RUVBL2: variants seen among roughly 807,000 people sequenced by gnomAD.
RUVBL2 encodes RuvB like AAA ATPase 2, also known as ruvB-like 2.
A neutral mutation model predicts 57.9 loss-of-function variants in RUVBL2; 9 were observed. That is an observed-to-expected ratio of 0.16 (90% CI 0.09 to 0.27). The LOEUF (loss-of-function observed/expected upper bound fraction) is 0.27. Ranked by LOEUF, RUVBL2 falls within the 10% of genes least tolerant of loss-of-function variation. The probability of loss-of-function intolerance (pLI) is 1.00; values close to 1 mark genes in which losing one functional copy is unlikely to be tolerated. For missense variants in RUVBL2, 456 were observed against 669.6 expected (o/e 0.68, Z 3.52); for synonymous variants, 278 against 264.6 (o/e 1.05, Z -0.49).
chr19:49,007,154 G>A lies in RUVBL2; in HGVS notation c.395+7G>A, dbSNP rs559622624. ...CCATCGGCGTTCGCATCAAGTAAGC[G>A]GGGGACCCGAGGCGGGTGCCAGACC... On this transcript the variant is annotated splice_region_variant and intron_variant, in intron 5 of 14. Transcript: ENST00000595090. 14 of 1,613,238 alleles carry A rather than the reference G, an allele frequency of 8.7e-6. No individual in the cohort carries two copies. Among genetic ancestry groups the A allele is most frequent in the Admixed American group, 5.0e-5 (3 of 60,018 alleles).
At chr19:49,014,644 G>A (rs1433135077) in intron 12 of RUVBL2, 41 bp downstream of exon 12, 2 of 1,610,814 alleles carry the variant, frequency 1.2e-6, no homozygotes, top group Non-Finnish European at 1.7e-6. Flanking sequence ...ACGCAGGGCT[G>A]GGGTCTACCC....
intron 4 of RUVBL2, among the ~76,000 whole-genome samples, 186 bp from the exon 5 acceptor site, chr19:49,006,832 A>G (rs3795045): frequency 6.6e-6 from 1 of 152,350 alleles, no homozygotes; most frequent in East Asian, 1.9e-4. Context: ...TGTCTGCCTC[A>G]TGGCTGAACC....
Position 49,015,558 on chromosome 19 carries a change from C to T in RUVBL2, c.1252-14C>T, listed in dbSNP as rs1302210131. On this transcript the variant is annotated splice_polypyrimidine_tract_variant and intron_variant, in intron 13 of 14. Coordinates refer to ENST00000595090, the MANE Select transcript of RUVBL2 (RefSeq NM_006666.3). ...GGAGAGGGGCCCAACTGAGGACTCG[C>T]CCTCCCCCTCCAGGGTACAGAAGTG... 1.3e-6 allele frequency: 2 copies of T among 1,598,822 alleles called. No individual in the cohort carries two copies. Among genetic ancestry groups the T allele is most frequent in the African/African-American group, 2.7e-5 (2 of 74,638 alleles).
At position 48,995,738 on chromosome 19, in the gene RUVBL2, C is replaced by T. The variant is rs142948162; in HGVS notation, c.12+1815C>T. Among the ~76,000 whole-genome samples the T allele has an allele frequency of 8.4e-4, 128 of 151,998 alleles. 1 individual carries two copies. The East Asian group carries it at 0.022, about 26-fold the overall frequency. On this transcript the variant is annotated intron_variant, in intron 1 of 14. Transcript: ENST00000595090. ...CGGTGGCTCACACCTGTAATCCCAG[C>T]ACTTTGGGGGGTCGAGGCGGGCAGG...
intron 2 of RUVBL2, among the ~76,000 whole-genome samples, chr19:49,001,163 A>C (rs925705980): frequency 5.1e-5 from 7 of 137,348 alleles, no homozygotes; most frequent in African/African-American, 8.0e-5. Context: ...AAATAAAAAC[A>C]TTTTTTTTTT....
chr19:49,015,862 C>A lies in RUVBL2; in HGVS notation c.*20C>A. 1 of 1,614,188 alleles carries A rather than the reference C, an allele frequency of 6.2e-7. No homozygotes were observed. Among genetic ancestry groups the A allele is most frequent in the East Asian group, 2.2e-5 (1 of 44,884 alleles). ...TCCTGAGTTGGATGTCATCCCCCGA[C>A]CCCACCCTGTTTTCCACCAGAGTTC... On this transcript the variant is annotated 3_prime_UTR_variant, in exon 15 of 15. Transcript: ENST00000595090.
intron 2 of RUVBL2, among the ~76,000 whole-genome samples, chr19:49,000,208 GTAGTTCA>G (rs1274106558): frequency 3.3e-5 from 5 of 152,222 alleles, no homozygotes; most frequent in African/African-American, 1.2e-4. Context: ...ATTCAGTAAG[GTAGTTCA>G]TATAAAGCAT....
At chr19:48,994,023 G>T in intron 1 of RUVBL2, 100 bp downstream of exon 1, 1 of 1,358,412 alleles carries the variant, frequency 7.4e-7, no homozygotes. Context: ...AGGGAGGGGG[G>T]ATCTGGGGGT....
At position 49,004,300 on chromosome 19, in the gene RUVBL2, G is replaced by A. The variant is rs1217394520; in HGVS notation, c.147G>A (p.Gln49=). The A allele has an allele frequency of 6.2e-7, 1 of 1,612,542 alleles. No homozygotes were observed. Among genetic ancestry groups the A allele is most frequent in the Non-Finnish European group, 8.5e-7 (1 of 1,179,860 alleles). Reference sequence around the variant, plus strand: ...AGGCTTCGCAAGGCATGGTGGGTCAGCTGGCGGCACGGCGGGCGGCTGGCG... The same window carrying A: ...AGGCTTCGCAAGGCATGGTGGGTCAACTGGCGGCACGGCGGGCGGCTGGCG... ...PRQASQGMVG[Q]LAARRAAGVV... The change falls in exon 4 of 15, where the codon CAG becomes CAA. Residue 49 remains glutamine, a synonymous_variant. Coordinates refer to ENST00000595090, the MANE Select transcript of RUVBL2 (RefSeq NM_006666.3).
intron 6 of RUVBL2, among the ~76,000 whole-genome samples, chr19:49,008,233 T>C (rs1282123690): frequency 2.0e-5 from 3 of 150,100 alleles, no homozygotes; most frequent in Non-Finnish European, 4.4e-5. Context: ...TTTATTTTTA[T>C]TTTATTTTAT....
chr19:49,006,574 C>T (rs933032919), intron 4 of RUVBL2, among the ~76,000 whole-genome samples: 2 of 152,220 alleles, frequency 1.3e-5, no homozygotes, highest in Non-Finnish European at 1.5e-5. Context: ...CAAGATCCCA[C>T]GGCGCCACCT....
At chr19:49,006,684 G>A (rs184417290) in intron 4 of RUVBL2, among the ~76,000 whole-genome samples, 4 of 152,346 alleles carry the variant, frequency 2.6e-5, no homozygotes, top group Admixed American at 2.0e-4. Flanking sequence ...GGTCCCCTTC[G>A]TCCAGCTCTG....
At chr19:49,000,279 G>C (rs2039152616) in intron 2 of RUVBL2, among the ~76,000 whole-genome samples, 1 of 152,276 alleles carries the variant, frequency 6.6e-6, no homozygotes, top group African/African-American at 2.4e-5. Context: ...GGGGCACTGG[G>C]TGCAGTGGCT....
chr19:49,002,944 G>C (rs2039213183), intron 2 of RUVBL2, among the ~76,000 whole-genome samples: 2 of 152,230 alleles, frequency 1.3e-5, no homozygotes, highest in Non-Finnish European at 2.9e-5. Flanking sequence ...TGTGGGTGCT[G>C]TGTAAACCAT....
In RUVBL2 at chr19:49,015,622, G is replaced by A; in HGVS notation, c.1302G>A (p.Leu434=). The A allele has an allele frequency of 6.2e-7, 1 of 1,614,118 alleles. No homozygotes were observed. Among genetic ancestry groups the A allele is most frequent in the South Asian group, 1.1e-5 (1 of 91,084 alleles). Residue 434 remains leucine, a synonymous_variant, in exon 14 of 15, where the codon CTG becomes CTA. Coordinates refer to ENST00000595090, the MANE Select transcript of RUVBL2 (RefSeq NM_006666.3). ...DDIKRVYSLF[L]DESRSTQYMK... The stretch of plus-strand genomic sequence containing the variant: ...TCAAGCGGGTCTACTCACTCTTCCT[G>A]GACGAGTCCCGCTCCACGCAGTACA...
intron 4 of RUVBL2, among the ~76,000 whole-genome samples, chr19:49,005,060 T>G (rs924986990): frequency 2.0e-5 from 3 of 152,124 alleles, no homozygotes; most frequent in African/African-American, 7.2e-5. Flanking sequence ...CAGCAGTCTT[T>G]GTTGCAGTCC....
At position 49,007,083 on chromosome 19, in the gene RUVBL2, C is replaced by T. The variant is rs772495679; in HGVS notation, c.331C>T (p.Leu111=). Residue 111 remains leucine (L), a synonymous_variant, in exon 5 of 15, where the codon CTG becomes TTG. Coordinates refer to ENST00000595090, the MANE Select transcript of RUVBL2 (RefSeq NM_006666.3). ...CATCGCCGGCAGTGAAATCTTCTCC[C>T]TGGAGATGAGCAAGACCGAGGCGCT... is the stretch of plus-strand genomic sequence containing the variant. ...TAIAGSEIFS[L]EMSKTEALTQ... 19 of 1,613,288 alleles carry T rather than the reference C, an allele frequency of 1.2e-5. No homozygotes were observed. The highest frequency in any genetic ancestry group is 1.5e-5 in the Non-Finnish European group (18 of 1,180,046).
intron 2 of RUVBL2, among the ~76,000 whole-genome samples, chr19:49,002,294 C>T (rs966871822): frequency 2.6e-5 from 4 of 152,054 alleles, no homozygotes; most frequent in Non-Finnish European, 4.4e-5. Context: ...AGGTGATCTG[C>T]TTGCCTCTGC....
At chr19:49,012,930 G>T (rs1241247560) in intron 11 of RUVBL2, among the ~76,000 whole-genome samples, 1 of 150,908 alleles carries the variant, frequency 6.6e-6, no homozygotes, top group Non-Finnish European at 1.5e-5. Context: ...CTCCTCATCA[G>T]CTGGGACCAC....
Sources: allele counts gnomAD v4.1 joint callset (sites outside exome capture counted in the v4.1 genomes callset), GRCh38; gene constraint gnomAD v4.1.1; transcripts MANE v1.5; gene names NCBI Gene and HGNC (gene_info 2026-07-23, HGNC 2026-07-21).